Variants in KCNIP4 observed in about 807,000 individuals in gnomAD.
KCNIP4 encodes the protein potassium voltage-gated channel interacting protein 4.
KCNIP4 carries 12 observed loss-of-function variants against 34.0 expected under a neutral mutation model. That is an observed-to-expected ratio of 0.35 (90% CI 0.23 to 0.57). KCNIP4 has a LOEUF of 0.57. Ranked by LOEUF, KCNIP4 falls within the 20% of genes least tolerant of loss-of-function variation. KCNIP4 has a pLI of 0.83. For synonymous variants in KCNIP4, 124 were observed against 102.2 expected, an observed-to-expected ratio of 1.21 and a Z score of -1.29; for missense variants, 238 against 311.7, an observed-to-expected ratio of 0.76 and a Z score of 1.78.
chr4:20,769,621 G>A (rs1452938283), intron 3 of KCNIP4, among the ~76,000 whole-genome samples: 1 of 152,158 alleles, frequency 6.6e-6, no homozygotes, highest in Non-Finnish European at 1.5e-5. Context: ...CAACACAAAT[G>A]TATCATCTCA....
chr4:21,662,202 C>T lies in KCNIP4; in HGVS notation c.61+286369G>A, dbSNP rs915342113. Among the ~76,000 whole-genome samples, 5 of 152,164 alleles carry T rather than the reference C, an allele frequency of 3.3e-5. No individual in the cohort carries two copies. In the East Asian group the frequency reaches 9.6e-4, roughly 29 times the overall value. On this transcript the variant is annotated intron_variant, in intron 1 of 8. Coordinates refer to ENST00000382152, the MANE Select transcript of KCNIP4 (RefSeq NM_025221.6). Reference sequence around the variant, plus strand: ...CAGCGGTGCCCTGGGATGTTTCTGACTTTACAGGTCTGTCGAGCTTGGGAA... The same window carrying T: ...CAGCGGTGCCCTGGGATGTTTCTGATTTTACAGGTCTGTCGAGCTTGGGAA...
chr4:21,537,639 T>C (rs999357320), intron 1 of KCNIP4, among the ~76,000 whole-genome samples: 1 of 152,154 alleles, frequency 6.6e-6, no homozygotes, highest in Non-Finnish European at 1.5e-5. Flanking sequence ...TTTGCAAATA[T>C]AATCAAGTCA....
chr4:21,409,904 G>A (rs898230608), intron 1 of KCNIP4, among the ~76,000 whole-genome samples: 2 of 152,112 alleles, frequency 1.3e-5, no homozygotes, highest in Admixed American at 6.5e-5. Flanking sequence ...AAGAGGAAGA[G>A]TCTCTGTAAA....
chr4:21,523,810 C>A (rs905383948), intron 1 of KCNIP4, among the ~76,000 whole-genome samples: 1 of 151,920 alleles, frequency 6.6e-6, no homozygotes, highest in Non-Finnish European at 1.5e-5. Flanking sequence ...TGGACTCAAG[C>A]GATCCTCTTA....
At chr4:20,921,319 C>T (rs1223257575) in intron 1 of KCNIP4, among the ~76,000 whole-genome samples, 1 of 152,082 alleles carries the variant, frequency 6.6e-6, no homozygotes, top group Non-Finnish European at 1.5e-5. Context: ...CCGCCATTTG[C>T]AATTTTTGAA....
intron 1 of KCNIP4, among the ~76,000 whole-genome samples, chr4:21,948,171 G>A (rs1430806800): frequency 6.6e-6 from 1 of 152,192 alleles, no homozygotes; most frequent in Non-Finnish European, 1.5e-5. Flanking sequence ...AAGGAAAAGT[G>A]GAAGGCGAGG....
intron 1 of KCNIP4, among the ~76,000 whole-genome samples, chr4:21,638,538 C>T (rs1746388607): frequency 6.6e-6 from 1 of 152,120 alleles, no homozygotes; most frequent in Non-Finnish European, 1.5e-5. Context: ...CTTTACAAGG[C>T]AAACTGCAGC....
chr4:21,059,049 G>A (rs1344358116), intron 1 of KCNIP4, among the ~76,000 whole-genome samples: 1 of 152,102 alleles, frequency 6.6e-6, no homozygotes, highest in Non-Finnish European at 1.5e-5. Flanking sequence ...TGCCATGTAA[G>A]ACGTCCCTTT....
intron 1 of KCNIP4, among the ~76,000 whole-genome samples, chr4:21,801,732 C>T (rs1721010898): frequency 6.6e-6 from 1 of 151,986 alleles, no homozygotes; most frequent in African/African-American, 2.4e-5. Flanking sequence ...TCTCAGCCTC[C>T]CAAGTAGCTG....
At position 21,432,118 on chromosome 4, in the gene KCNIP4, A is replaced by G. The variant is rs1035399954; in HGVS notation, c.61+516453T>C. On this transcript the variant is annotated intron_variant, in intron 1 of 8. Coordinates refer to ENST00000382152, the MANE Select transcript of KCNIP4 (RefSeq NM_025221.6). ...TATATATATATATATATATATATAT[A>G]TATATATATATATATATATACAATC... Among the ~76,000 whole-genome samples the G allele has an allele frequency of 1.2e-4, 14 of 114,104 alleles. 1 individual carries two copies. The highest frequency in any genetic ancestry group is 4.7e-4 in the African/African-American group (13 of 27,666). The allele number at this position is 114,104 out of a possible 152,430, so 74.9% of individuals were successfully genotyped here. A position where few individuals can be genotyped will look rare whatever the true frequency, so the allele number is the denominator to read the frequency against.
intron 3 of KCNIP4, among the ~76,000 whole-genome samples, chr4:20,835,896 G>T (rs570025394): frequency 6.6e-6 from 1 of 152,076 alleles, no homozygotes; most frequent in East Asian, 1.9e-4. Flanking sequence ...CAACCTATTT[G>T]TCAAATTCTG....
chr4:21,768,474 A>C (rs1718567371), intron 1 of KCNIP4, among the ~76,000 whole-genome samples: 1 of 152,140 alleles, frequency 6.6e-6, no homozygotes, highest in Non-Finnish European at 1.5e-5. Flanking sequence ...ATATCAAGGA[A>C]AAAGAGAAAT....
intron 1 of KCNIP4, among the ~76,000 whole-genome samples, chr4:21,872,136 C>T (rs1343261671): frequency 6.6e-6 from 1 of 152,086 alleles, no homozygotes; most frequent in African/African-American, 2.4e-5. Flanking sequence ...CTGCAGCCCT[C>T]AGAGAAGGGG....
At chr4:21,552,444 A>T (rs574137463) in intron 1 of KCNIP4, among the ~76,000 whole-genome samples, 1 of 152,282 alleles carries the variant, frequency 6.6e-6, no homozygotes, top group African/African-American at 2.4e-5. Flanking sequence ...GTCTTGCCTT[A>T]CAAGAACTAT....
intron 1 of KCNIP4, among the ~76,000 whole-genome samples, chr4:21,763,831 C>A (rs1718217566): frequency 6.6e-6 from 1 of 152,054 alleles, no homozygotes; most frequent in Non-Finnish European, 1.5e-5. Context: ...AAAACAATCA[C>A]TGATTTATCT....
chr4:21,036,603 G>T (rs1741465472), intron 1 of KCNIP4, among the ~76,000 whole-genome samples: 1 of 152,220 alleles, frequency 6.6e-6, no homozygotes, highest in East Asian at 1.9e-4. Context: ...GTGTGTGCCT[G>T]TAGTCCCAGC....
intron 5 of KCNIP4, among the ~76,000 whole-genome samples, chr4:20,740,394 T>C (rs1410589578): frequency 6.6e-6 from 1 of 152,168 alleles, no homozygotes; most frequent in Non-Finnish European, 1.5e-5. Context: ...GCAGAAACTT[T>C]ACAAGCCAGA....
chr4:21,125,030 T>C (rs929305810), intron 1 of KCNIP4, among the ~76,000 whole-genome samples: 4 of 151,220 alleles, frequency 2.6e-5, no homozygotes, highest in Non-Finnish European at 5.9e-5. Context: ...TCATAAGTCC[T>C]GAATGATGCC....
chr4:20,859,794 T>C (rs1403878825), intron 2 of KCNIP4, among the ~76,000 whole-genome samples: 1 of 152,206 alleles, frequency 6.6e-6, no homozygotes, highest in Non-Finnish European at 1.5e-5. Flanking sequence ...CATCTTGCCT[T>C]ACGAACAAAT....
Sources: gnomAD v4.1 joint callset for allele counts (sites outside exome capture counted in the v4.1 genomes callset) on GRCh38, gnomAD v4.1.1 for gene constraint, MANE v1.5 for transcripts, NCBI Gene and HGNC (gene_info 2026-07-23, HGNC 2026-07-21) for gene names.